KNDC1: variants seen among roughly 807,000 people sequenced by gnomAD.
KNDC1 encodes the protein kinase non-catalytic C-lobe domain containing 1, also known as kinase non-catalytic C-lobe domain-containing protein 1.
Under a neutral mutation model 172.8 loss-of-function variants are expected in KNDC1, and 106 were observed. The ratio of observed to expected loss-of-function variants is 0.61; its 90% CI spans 0.52 to 0.72. The LOEUF is 0.72. KNDC1 is among the 30% of genes least tolerant of loss of function. The pLI is 0.00. For missense variants in KNDC1, 2,325 were observed against 2,394.5 expected (o/e 0.97, Z 0.61); for synonymous variants, 1,083 against 1,062.2 (o/e 1.02, Z -0.38).
At chr10:133,222,152 G>T (rs1249444163) in intron 29 of KNDC1, among the ~76,000 whole-genome samples, 1 of 149,884 alleles carries the variant, frequency 6.7e-6, no homozygotes, top group Non-Finnish European at 1.5e-5. Flanking sequence ...GCGCGGTGGC[G>T]GGCGCCTGTA....
chr10:133,219,889 C>G, intron 28 of KNDC1, 66 bp from the exon 29 acceptor site: 5 of 1,464,360 alleles, frequency 3.4e-6, no homozygotes, highest in Non-Finnish European at 1.8e-6. Context: ...GCGCTGGCCC[C>G]GGCTGAGGCT....
At position 133,224,841 on chromosome 10, in the gene KNDC1, C is replaced by A. The variant is rs2136041521; in HGVS notation, c.5201C>A (p.Ser1734Ter). 1 of 1,614,054 alleles carries A rather than the reference C, an allele frequency of 6.2e-7. No individual in the cohort carries two copies. The highest frequency in any genetic ancestry group is 2.2e-5 in the East Asian group (1 of 44,870). Reference protein sequence around the residue: ...NFHQVSSEKHSRKIQDKLRRM... With the variant: ...NFHQVSSEKH ...CACCAGGTCTCCAGCGAGAAGCACT[C>A]ACGGAAGATTCAGGACAAGCTACGG... Residue 1734 changes from serine to a stop codon, truncating the protein, a stop_gained, in exon 30 of 30, where the codon TCA becomes TAA. Transcript: ENST00000304613. LOFTEE classifies it high-confidence loss of function. The surrounding 1 kb of genome is among the most constrained non-coding windows in gnomAD (Gnocchi z 5.4).
chr10:133,185,776 G>A (rs895807229), intron 5 of KNDC1, among the ~76,000 whole-genome samples, 198 bp from the exon 6 acceptor site: 1 of 145,532 alleles, frequency 6.9e-6, no homozygotes, highest in African/African-American at 2.6e-5. Flanking sequence ...GGGCAGGAGA[G>A]GAAGGCGGGA....
chr10:133,182,307 C>T (rs955772678), intron 3 of KNDC1, among the ~76,000 whole-genome samples: 9 of 152,144 alleles, frequency 5.9e-5, no homozygotes, highest in South Asian at 2.1e-4. Context: ...GACACGGATG[C>T]GCGTCCACTC....
intron 1 of KNDC1, among the ~76,000 whole-genome samples, chr10:133,162,897 G>A (rs2135938698): frequency 6.6e-6 from 1 of 152,382 alleles, no homozygotes; most frequent in South Asian, 2.1e-4. Context: ...ACTCTCAGCT[G>A]GAACCTACCA....
intron 3 of KNDC1, among the ~76,000 whole-genome samples, chr10:133,182,562 C>T (rs1853749560): frequency 6.6e-6 from 1 of 152,266 alleles, no homozygotes. Context: ...AGGCAGCCGT[C>T]CTGGGAAGAA....
In KNDC1 at chr10:133,196,989, C is replaced by T. The variant is rs930643017; in HGVS notation, c.1735-69C>T. The T allele has an allele frequency of 7.1e-6, 9 of 1,262,110 alleles. No individual in the cohort carries two copies. The African/African-American group carries it at 1.3e-4, about 19-fold the overall frequency. 78.2% of individuals were successfully genotyped at this position (1,262,110 alleles called of 1,614,324 possible). A position where few individuals can be genotyped will look rare whatever the true frequency, so the allele number is the denominator to read the frequency against. On this transcript the variant is annotated intron_variant, in intron 10 of 29. Transcript: ENST00000304613. ...CCCTGAGCTTTTTCAGATGGGGACC[C>T]AGTGACACGGGGACGGTGCAGCCGT...
intron 1 of KNDC1, among the ~76,000 whole-genome samples, chr10:133,165,168 C>T (rs1377474906): frequency 1.3e-5 from 2 of 152,302 alleles, no homozygotes; most frequent in Non-Finnish European, 2.9e-5. Flanking sequence ...GGGGAGGCTT[C>T]AGCCACAGAC....
chr10:133,160,666 C>A, intron 1 of KNDC1, 97 bp downstream of exon 1: 1 of 738,848 alleles, frequency 1.4e-6, no homozygotes, highest in South Asian at 2.0e-5. Context: ...GAGCTCCCGC[C>A]TCCCCAGGCG....
intron 9 of KNDC1, among the ~76,000 whole-genome samples, chr10:133,193,261 AG>A (rs1854107604): frequency 6.6e-6 from 1 of 152,260 alleles, no homozygotes; most frequent in Non-Finnish European, 1.5e-5. Context: ...GCAGTGGCTC[AG>A]GCCTGTAATC....
Position 133,186,427 on chromosome 10 carries a change from A to G in KNDC1, c.1079A>G (p.Lys360Arg), listed in dbSNP as rs747526391. The G allele has an allele frequency of 1.2e-6, 2 of 1,612,694 alleles. No individual in the cohort carries two copies. Among genetic ancestry groups the G allele is most frequent in the Non-Finnish European group, 1.7e-6 (2 of 1,179,906 alleles). ...NGLSSFQAQP[K>R]CRLWPEQEPE... Reference sequence around the variant, plus strand: ...CTTTCTAGCTTCCAGGCTCAGCCCAAATGCAGGCTGTGGCCGGAGCAGGAG... The same window carrying G: ...CTTTCTAGCTTCCAGGCTCAGCCCAGATGCAGGCTGTGGCCGGAGCAGGAG... The change falls in exon 6 of 30, where the codon AAA becomes AGA. Residue 360 changes from lysine (K) to arginine (R), a missense_variant. Lys to Arg is a conservative substitution (Grantham distance 26, BLOSUM62 2). Transcript: ENST00000304613.
rs1407053540 is a variant in KNDC1 at position 133,212,802 on chromosome 10, C to T, written c.4323C>T (p.Pro1441=). Reference sequence around the variant, plus strand: ...CCTACACCATTGCTGCCGCCCTGCCCAAGCCCTGCTTCCTCGAGGACTTCT... The same window carrying T: ...CCTACACCATTGCTGCCGCCCTGCCTAAGCCCTGCTTCCTCGAGGACTTCT... ...ERPYTIAAAL[P]KPCFLEDFYG... Residue 1441 remains proline (P), a synonymous_variant, in exon 24 of 30, where the codon CCC becomes CCT. Coordinates refer to ENST00000304613, the MANE Select transcript of KNDC1 (RefSeq NM_152643.8). 1 of 1,614,016 alleles carries T rather than the reference C, an allele frequency of 6.2e-7. No homozygotes were observed. The highest frequency in any genetic ancestry group is 1.1e-5 in the South Asian group (1 of 91,084).
chr10:133,170,010 C>T (rs774606633), intron 3 of KNDC1, among the ~76,000 whole-genome samples: 45 of 152,200 alleles, frequency 3.0e-4, no homozygotes, highest in Admixed American at 6.5e-4. Flanking sequence ...AGACTTGAGG[C>T]CATCTGTGAT....
chr10:133,175,346 GTGGA>G (rs1853502352), intron 3 of KNDC1, among the ~76,000 whole-genome samples: 1 of 123,882 alleles, frequency 8.1e-6, no homozygotes, highest in African/African-American at 2.7e-5. Flanking sequence ...GGATAGATAA[GTGGA>G]TGGATGGGTG....
intron 5 of KNDC1, among the ~76,000 whole-genome samples, chr10:133,185,116 G>T (rs1250877425): frequency 6.6e-6 from 1 of 152,296 alleles, no homozygotes; most frequent in African/African-American, 2.4e-5. Context: ...CCTGCTGAAT[G>T]AGCACGTTTG....
At position 133,183,545 on chromosome 10, in the gene KNDC1, G is replaced by A; in HGVS notation, c.507+55G>A. ...GCTGTGACCCTGACCCCACAGGCCT[G>A]GACACCGTGTGCTCACCACACCCAC... On this transcript the variant is annotated intron_variant, in intron 4 of 29. Coordinates refer to ENST00000304613, the MANE Select transcript of KNDC1 (RefSeq NM_152643.8). 1.2e-5 allele frequency: 19 copies of A among 1,525,432 alleles called. No homozygotes were observed. In the South Asian group the frequency reaches 2.2e-4, roughly 18 times the overall value. The allele number at this position is 1,525,432 out of a possible 1,614,324, so 94.5% of individuals were successfully genotyped here.
rs1200435240 is a variant in KNDC1 at position 133,186,284 on chromosome 10, G to A, written c.936G>A (p.Leu312=). 2 of 1,610,674 alleles carry A rather than the reference G, an allele frequency of 1.2e-6. No homozygotes were observed. Among genetic ancestry groups the A allele is most frequent in the Admixed American group, 3.3e-5 (2 of 59,784 alleles). The change falls in exon 6 of 30, where the codon CTG becomes CTA. Residue 312 remains leucine (L), a synonymous_variant. Transcript: ENST00000304613. ...LRKVQTFPRL[L]SDSPEATLCL... is the part of the protein sequence containing the mutation. ...AGGTGCAGACGTTCCCTAGGCTGCTGTCCGACAGCCCCGAGGCCACCCTCT... is the reference window on the plus strand; with the variant it reads ...AGGTGCAGACGTTCCCTAGGCTGCTATCCGACAGCCCCGAGGCCACCCTCT...
chr10:133,194,050 CA>C (rs1325248108), intron 9 of KNDC1, among the ~76,000 whole-genome samples: 1 of 152,158 alleles, frequency 6.6e-6, no homozygotes, highest in Non-Finnish European at 1.5e-5. Flanking sequence ...TGAAGGAACT[CA>C]ACAACACTGT....
intron 3 of KNDC1, among the ~76,000 whole-genome samples, chr10:133,173,557 A>G (rs1438230054): frequency 2.0e-5 from 3 of 151,978 alleles, no homozygotes; most frequent in African/African-American, 7.3e-5. Context: ...ATGTGAACAG[A>G]TTGGTTTTTT....
Sources: allele counts gnomAD v4.1 joint callset (sites outside exome capture counted in the v4.1 genomes callset), GRCh38; gene constraint gnomAD v4.1.1; non-coding constraint Gnocchi (gnomAD v3.1); transcripts MANE v1.5; gene names NCBI Gene and HGNC (gene_info 2026-07-23, HGNC 2026-07-21).